The following ROBO2 variants were observed in gnomAD, a reference collection of about 807,000 sequenced individuals.
The protein encoded by ROBO2 is roundabout homolog 2.
ROBO2 carries 53 observed loss-of-function variants against 160.8 expected under a neutral mutation model. The ratio of observed to expected loss-of-function variants is 0.33; its 90% CI spans 0.26 to 0.41. The LOEUF is 0.41. Ranked by LOEUF, ROBO2 falls within the 10% of genes least tolerant of loss-of-function variation. The pLI, the probability that ROBO2 is intolerant of heterozygous loss-of-function variation, is 1.00. For synonymous variants in ROBO2, 664 were observed against 611.7 expected, an observed-to-expected ratio of 1.09 and a Z score of -1.26; for missense variants, 1,577 against 1,722.4, an observed-to-expected ratio of 0.92 and a Z score of 1.49.
intron 2 of ROBO2, among the ~76,000 whole-genome samples, chr3:76,482,025 A>G (rs2079236588): frequency 6.6e-6 from 1 of 152,046 alleles, no homozygotes. Context: ...CAGAATCCCC[A>G]ACCAGAGTTG....
At chr3:76,289,572 A>G (rs1708702176) in intron 2 of ROBO2, among the ~76,000 whole-genome samples, 1 of 152,160 alleles carries the variant, frequency 6.6e-6, no homozygotes, top group African/African-American at 2.4e-5. Context: ...GCTGGAGCCT[A>G]GGTACACAAT....
intron 2 of ROBO2, chr3:77,317,170 T>TCA (rs1175340007): frequency 3.6e-5 from 35 of 971,768 alleles, no homozygotes; most frequent in Non-Finnish European, 5.7e-5. Context: ...GCCAGCCCTG[T>TCA]AACCCGGCAC....
At chr3:76,477,959 A>G (rs148140002) in intron 2 of ROBO2, among the ~76,000 whole-genome samples, 2,047 of 152,118 alleles carry the variant, frequency 0.013, 54 homozygotes, top group African/African-American at 0.047. Flanking sequence ...TCTCCATTCA[A>G]AAAACTTCTC....
At chr3:77,288,637 T>G (rs180844634) in intron 2 of ROBO2, among the ~76,000 whole-genome samples, 23 of 140,230 alleles carry the variant, frequency 1.6e-4, no homozygotes, top group Admixed American at 6.8e-5. Flanking sequence ...ACATGGCAGA[T>G]TTTTTTTACA....
intron 13 of ROBO2, among the ~76,000 whole-genome samples, chr3:77,571,665 C>T (rs2093639559): frequency 6.6e-6 from 1 of 151,842 alleles, no homozygotes; most frequent in African/African-American, 2.4e-5. Context: ...TATATAAACC[C>T]ATGAATCTGT....
At chr3:77,095,765 G>T (rs2070970865) in intron 1 of ROBO2, among the ~76,000 whole-genome samples, 1 of 151,782 alleles carries the variant, frequency 6.6e-6, no homozygotes, top group African/African-American at 2.4e-5. Flanking sequence ...AATACTTTGG[G>T]GTCTTTCTTG....
intron 2 of ROBO2, among the ~76,000 whole-genome samples, chr3:77,000,393 G>T (rs915453668): frequency 6.6e-6 from 1 of 152,144 alleles, no homozygotes; most frequent in African/African-American, 2.4e-5. Flanking sequence ...CAGCCTCTCA[G>T]TCTGGATGCT....
At chr3:76,120,608 G>A (rs1389507159) in intron 2 of ROBO2, among the ~76,000 whole-genome samples, 1 of 152,062 alleles carries the variant, frequency 6.6e-6, no homozygotes, top group Non-Finnish European at 1.5e-5. Context: ...AAGATTCCAA[G>A]ATAACAAGGA....
At chr3:77,142,666 T>C (rs559455427) in intron 2 of ROBO2, among the ~76,000 whole-genome samples, 4 of 152,224 alleles carry the variant, frequency 2.6e-5, no homozygotes, top group African/African-American at 7.2e-5. Flanking sequence ...TGGGAGGAGT[T>C]CCATCACCAC....
Position 77,100,266 on chromosome 3 carries a change from G to C in ROBO2, c.388+1926G>C, listed in dbSNP as rs187223386. Among the ~76,000 whole-genome samples the C allele has an allele frequency of 1.1e-3, 162 of 152,070 alleles. 4 individuals are homozygous for C. Among genetic ancestry groups the C allele is most frequent in the Non-Finnish European group, 3.8e-4 (26 of 67,968 alleles). The stretch of plus-strand genomic sequence containing the variant: ...ATGACCTAGAGAGGAAAACAAGAAG[G>C]CTTGCAAATTGGATTAGGGAGTGAA... On this transcript the variant is annotated intron_variant, in intron 2 of 25. Coordinates refer to ENST00000461745, the Ensembl canonical transcript of ROBO2.
At chr3:77,398,023 A>G (rs904675144) in intron 2 of ROBO2, among the ~76,000 whole-genome samples, 5 of 152,150 alleles carry the variant, frequency 3.3e-5, no homozygotes, top group Admixed American at 6.6e-5. Context: ...TTTTCTGAAC[A>G]TGAGGAATAA....
chr3:77,156,762 A>G (rs1373497666), intron 2 of ROBO2, among the ~76,000 whole-genome samples: 2 of 149,946 alleles, frequency 1.3e-5, no homozygotes, highest in East Asian at 1.9e-4. Flanking sequence ...ATATAAAAAT[A>G]TTTATTAGAA....
intron 2 of ROBO2, among the ~76,000 whole-genome samples, chr3:76,897,590 A>C (rs1217400463): frequency 6.6e-6 from 1 of 152,182 alleles, no homozygotes; most frequent in East Asian, 1.9e-4. Flanking sequence ...AAAGTACCTC[A>C]GTTAAAACTA....
At chr3:75,981,521 A>C (rs2065273724) in intron 2 of ROBO2, among the ~76,000 whole-genome samples, 1 of 150,948 alleles carries the variant, frequency 6.6e-6, no homozygotes, top group Admixed American at 6.6e-5. Flanking sequence ...AGTTTATATA[A>C]ATATTTTAGT....
chr3:77,061,259 TC>T (rs1285425563), intron 1 of ROBO2, among the ~76,000 whole-genome samples: 3 of 152,196 alleles, frequency 2.0e-5, no homozygotes, highest in Non-Finnish European at 2.9e-5. Context: ...TGAAGGTCAG[TC>T]TAAATTGTTG....
chr3:77,506,351 A>C (rs1023008873), intron 5 of ROBO2, among the ~76,000 whole-genome samples: 2 of 152,144 alleles, frequency 1.3e-5, no homozygotes, highest in Admixed American at 6.6e-5. Context: ...TTCTAAGAGA[A>C]AGTAGTGCTC....
chr3:77,594,768 T>C (rs2094259405), intron 17 of ROBO2, among the ~76,000 whole-genome samples: 1 of 152,198 alleles, frequency 6.6e-6, no homozygotes, highest in South Asian at 2.1e-4. Context: ...TTATGCCTTC[T>C]AATTAGGACA....
intron 2 of ROBO2, among the ~76,000 whole-genome samples, chr3:77,338,247 A>C (rs1003438572): frequency 1.3e-5 from 2 of 152,116 alleles, no homozygotes; most frequent in Non-Finnish European, 2.9e-5. Flanking sequence ...TTCCACATTG[A>C]GTCTTTTCTA....
At chr3:76,035,121 C>G (rs2067062268) in intron 2 of ROBO2, among the ~76,000 whole-genome samples, 1 of 151,820 alleles carries the variant, frequency 6.6e-6, no homozygotes, top group Non-Finnish European at 1.5e-5. Context: ...ATCTTTGAAG[C>G]TATAGTATAC....
Sources: gnomAD v4.1 joint callset for allele counts (sites outside exome capture counted in the v4.1 genomes callset) on GRCh38, gnomAD v4.1.1 for gene constraint, MANE v1.5 for transcripts, NCBI Gene and HGNC (gene_info 2026-07-23, HGNC 2026-07-21) for gene names.